EZH2: variants seen among roughly 807,000 people sequenced by gnomAD.
The protein encoded by EZH2 is histone-lysine N-methyltransferase EZH2.
Under a neutral mutation model 98.4 loss-of-function variants are expected in EZH2, and 18 were observed. The observed-to-expected ratio is 0.18, with a 90% confidence interval of 0.13 to 0.27. The LOEUF (loss-of-function observed/expected upper bound fraction) is 0.27, where lower values mean the gene tolerates loss of function less well. Among genes scored for constraint, EZH2 ranks in the 10% least tolerant of loss-of-function variants. The probability of loss-of-function intolerance (pLI) is 1.00; values close to 1 mark genes in which losing one functional copy is unlikely to be tolerated. For synonymous variants in EZH2, 338 were observed against 312.3 expected, an observed-to-expected ratio of 1.08 and a Z score of -0.87; for missense variants, 470 against 935.1, an observed-to-expected ratio of 0.50 and a Z score of 6.49.
At chr7:148,824,735 A>C (rs748807070) in intron 8 of EZH2, among the ~76,000 whole-genome samples, 3 of 152,202 alleles carry the variant, frequency 2.0e-5, no homozygotes, top group Non-Finnish European at 2.9e-5. Context: ...ATTTTGTCGA[A>C]GTTAACGTAA....
intron 1 of EZH2, among the ~76,000 whole-genome samples, chr7:148,856,888 C>T (rs1816910642): frequency 6.6e-6 from 1 of 152,160 alleles, no homozygotes; most frequent in African/African-American, 2.4e-5. Flanking sequence ...AGTGTATGTC[C>T]CCATTCTGGG....
At chr7:148,808,999 C>A in intron 19 of EZH2, 72 bp downstream of exon 19, 1 of 1,261,092 alleles carries the variant, frequency 7.9e-7, no homozygotes, top group Non-Finnish European at 1.1e-6. Context: ...ACTAAAAACC[C>A]TCCTTTGTCC....
At chr7:148,844,260 A>G (rs1316707755) in intron 3 of EZH2, among the ~76,000 whole-genome samples, 1 of 152,252 alleles carries the variant, frequency 6.6e-6, no homozygotes. Context: ...AAACAGGGAT[A>G]TATTCTCATC....
chr7:148,818,808 C>T (rs771172836), intron 9 of EZH2, among the ~76,000 whole-genome samples: 1 of 152,032 alleles, frequency 6.6e-6, no homozygotes, highest in Non-Finnish European at 1.5e-5. Flanking sequence ...TTATAGAGAC[C>T]ACAGAAACAT....
chr7:148,843,088 A>G (rs891879163), intron 3 of EZH2, among the ~76,000 whole-genome samples: 5 of 151,830 alleles, frequency 3.3e-5, no homozygotes, highest in Admixed American at 6.6e-5. Context: ...TATGCCTGTA[A>G]TCCCAGCTAC....
Position 148,813,853 on chromosome 7 carries a change from A to T in EZH2, c.1851+106T>A. ...TTCTCATCAGTTGCACCTTTCAAGG[A>T]TCACTTTTACTTTTTGCCCCAGCTA... On this transcript the variant is annotated intron_variant, in intron 15 of 19. Coordinates refer to ENST00000320356, the MANE Select transcript of EZH2 (RefSeq NM_004456.5). The T allele has an allele frequency of 3.4e-6, 4 of 1,181,650 alleles. No homozygotes were observed. The South Asian group carries it at 6.1e-5, about 18-fold the overall frequency. The allele number at this position is 1,181,650 out of a possible 1,614,324, so 73.2% of individuals were successfully genotyped here.
At chr7:148,825,562 G>T (rs1807453689) in intron 8 of EZH2, among the ~76,000 whole-genome samples, 1 of 152,184 alleles carries the variant, frequency 6.6e-6, no homozygotes, top group African/African-American at 2.4e-5. Flanking sequence ...AGGTACAGCT[G>T]CTTGGGCAAG....
At chr7:148,869,317 G>A (rs953253646) in intron 1 of EZH2, among the ~76,000 whole-genome samples, 2 of 148,040 alleles carry the variant, frequency 1.4e-5, no homozygotes, top group Non-Finnish European at 3.0e-5. Context: ...CACTAAAAAG[G>A]ACCCTATAGG....
At chr7:148,850,628 C>A (rs1193055480) in intron 1 of EZH2, among the ~76,000 whole-genome samples, 1 of 152,116 alleles carries the variant, frequency 6.6e-6, no homozygotes, top group African/African-American at 2.4e-5. Context: ...ATCACATTTT[C>A]ATGTATTTCA....
At chr7:148,865,819 C>T (rs1181811773) in intron 1 of EZH2, among the ~76,000 whole-genome samples, 3 of 152,102 alleles carry the variant, frequency 2.0e-5, no homozygotes, top group Admixed American at 6.6e-5. Flanking sequence ...ACTACTAATC[C>T]CAAAGCATTT....
chr7:148,866,628 G>GTA (rs1465975072), intron 1 of EZH2, among the ~76,000 whole-genome samples: 1 of 142,312 alleles, frequency 7.0e-6, no homozygotes. Context: ...ATGCATATAT[G>GTA]TATATATACA....
intron 12 of EZH2, among the ~76,000 whole-genome samples, chr7:148,816,132 G>A (rs981784335): frequency 6.6e-6 from 1 of 152,120 alleles, no homozygotes; most frequent in Non-Finnish European, 1.5e-5. Context: ...GTGAGGTAGA[G>A]GTATGGGGAG....
chr7:148,834,542 C>CA (rs1250752510), intron 3 of EZH2, among the ~76,000 whole-genome samples: 1 of 152,118 alleles, frequency 6.6e-6, no homozygotes, highest in East Asian at 1.9e-4. Flanking sequence ...ACAGTCACTG[C>CA]AGCACAAAAA....
intron 15 of EZH2, among the ~76,000 whole-genome samples, chr7:148,812,347 T>A (rs914874724): frequency 2.6e-5 from 4 of 152,208 alleles, no homozygotes; most frequent in African/African-American, 9.6e-5. Context: ...AAGATGATCA[T>A]TGCTATAAAT....
chr7:148,867,360 C>G (rs957873306), intron 1 of EZH2, among the ~76,000 whole-genome samples: 14 of 152,068 alleles, frequency 9.2e-5, no homozygotes, highest in Non-Finnish European at 2.1e-4. Flanking sequence ...TTAAAAATTA[C>G]CCAGTCTCAG....
intron 3 of EZH2, among the ~76,000 whole-genome samples, chr7:148,837,236 T>C (rs1811134269): frequency 6.6e-6 from 1 of 152,172 alleles, no homozygotes; most frequent in African/African-American, 2.4e-5. Context: ...ATACAATCAA[T>C]TAGCCAAGTA....
intron 1 of EZH2, among the ~76,000 whole-genome samples, chr7:148,882,676 C>T (rs1369757112): frequency 6.6e-6 from 1 of 152,174 alleles, no homozygotes; most frequent in African/African-American, 2.4e-5. Context: ...TCAATTGTGA[C>T]AGCATTCGTG....
intron 1 of EZH2, among the ~76,000 whole-genome samples, chr7:148,869,366 GAC>G (rs1206658196): frequency 5.9e-5 from 6 of 101,958 alleles, no homozygotes; most frequent in Non-Finnish European, 1.1e-4. Flanking sequence ...TTTTTTTGGA[GAC>G]ACAGTCTCAC....
chr7:148,872,832 T>C (rs1293025449), intron 1 of EZH2, among the ~76,000 whole-genome samples: 1 of 152,216 alleles, frequency 6.6e-6, no homozygotes, highest in Admixed American at 6.5e-5. Flanking sequence ...TACTGTCTTT[T>C]TGATACCTTT....
Sources: gnomAD v4.1 joint callset for allele counts (sites outside exome capture counted in the v4.1 genomes callset) on GRCh38, gnomAD v4.1.1 for gene constraint, MANE v1.5 for transcripts, NCBI Gene and HGNC (gene_info 2026-07-23, HGNC 2026-07-21) for gene names.